The following TMEM100 variants were observed in gnomAD, a reference collection of about 807,000 sequenced individuals.
TMEM100 encodes the protein transmembrane protein 100.
For missense variants in TMEM100, 137 were observed against 168.2 expected (o/e 0.81, Z 1.02); for synonymous variants, 61 against 67.1 (o/e 0.91, Z 0.44).
chr17:55,729,044 T>C (rs1347762399), intron 1 of TMEM100, among the ~76,000 whole-genome samples: 2 of 152,258 alleles, frequency 1.3e-5, no homozygotes, highest in African/African-American at 4.8e-5. Flanking sequence ...GGTCGGATTA[T>C]CGCCTCGATG....
intron 1 of TMEM100, among the ~76,000 whole-genome samples, chr17:55,722,037 T>C (rs1908909574): frequency 6.6e-6 from 1 of 152,230 alleles, no homozygotes; most frequent in African/African-American, 2.4e-5. Flanking sequence ...AACCTTCATT[T>C]TCCTCCATGC....
chr17:55,728,987 C>A (rs1169685949), intron 1 of TMEM100, among the ~76,000 whole-genome samples: 1 of 152,170 alleles, frequency 6.6e-6, no homozygotes, highest in Non-Finnish European at 1.5e-5. Context: ...TTTTAAAGAG[C>A]ACAGGGCAGG....
upstream of TMEM100, among the ~76,000 whole-genome samples, chr17:55,727,241 C>T (rs1022877852): frequency 2.0e-5 from 3 of 152,192 alleles, no homozygotes; most frequent in Non-Finnish European, 4.4e-5. Flanking sequence ...TGATACAACC[C>T]CATACATTTT....
chr17:55,729,190 A>G (rs1008036790), intron 1 of TMEM100, among the ~76,000 whole-genome samples: 2 of 152,222 alleles, frequency 1.3e-5, no homozygotes, highest in Non-Finnish European at 2.9e-5. Context: ...GGAAGAGGGA[A>G]AGCAGGTTGA....
At chr17:55,723,012 G>C (rs373838006), upstream of TMEM100, 1 of 151,930 alleles carries the variant, frequency 6.6e-6, no homozygotes, top group East Asian at 1.9e-4. Flanking sequence ...TGATGAGTCC[G>C]AATCATTTCT....
chr17:55,723,779 C>T (rs749888526), upstream of TMEM100, among the ~76,000 whole-genome samples: 4 of 152,184 alleles, frequency 2.6e-5, no homozygotes, highest in Non-Finnish European at 5.9e-5. Flanking sequence ...GACCTCTGTT[C>T]CTTGGCCCAC....
intron 1 of TMEM100, among the ~76,000 whole-genome samples, chr17:55,728,525 G>A (rs753514907): frequency 3.9e-5 from 6 of 152,204 alleles, no homozygotes; most frequent in African/African-American, 9.6e-5. Flanking sequence ...AGATGCCATA[G>A]CAGTCAGGCC....
At chr17:55,726,828 T>A (rs1909087431), upstream of TMEM100, among the ~76,000 whole-genome samples, 1 of 152,238 alleles carries the variant, frequency 6.6e-6, no homozygotes, top group African/African-American at 2.4e-5. Flanking sequence ...TAGCAGGTCA[T>A]GTTATTATTC....
At chr17:55,726,346 G>A (rs749214035), upstream of TMEM100, among the ~76,000 whole-genome samples, 1 of 152,100 alleles carries the variant, frequency 6.6e-6, no homozygotes, top group African/African-American at 2.4e-5. Context: ...AGGGCAGGGA[G>A]CATGGTGTGT....
exon 1 of TMEM100, chr17:55,731,728 G>C (rs1012333811): frequency 2.6e-5 from 4 of 152,166 alleles, no homozygotes; most frequent in African/African-American, 4.8e-5. Context: ...CGTCTGGCTC[G>C]GGGACTGACT....
At chr17:55,726,486 C>T (rs568737472), upstream of TMEM100, among the ~76,000 whole-genome samples, 10 of 152,292 alleles carry the variant, frequency 6.6e-5, no homozygotes, top group African/African-American at 2.2e-4. Context: ...GCAATTTCTC[C>T]TCTGGGAACA....
At position 55,720,530 on chromosome 17, in the gene TMEM100, T is replaced by TC; in HGVS notation, c.*135dup. ...TCATTCCTCACAAAGGAGAAGCCCC[T>TC]CCACCCTCCCACCCCCATTCTTCCA... is the stretch of plus-strand genomic sequence containing the variant. On this transcript the variant is annotated 3_prime_UTR_variant, in exon 2 of 2. Transcript: ENST00000424486. The TC allele has an allele frequency of 9.0e-6, 6 of 663,582 alleles. No individual in the cohort carries two copies. The highest frequency in any genetic ancestry group is 5.7e-5 in the Admixed American group (2 of 34,884). The allele number at this position is 663,582 out of a possible 1,614,324, so 41.1% of individuals were successfully genotyped here.
rs998851113 is a variant in TMEM100 at position 55,720,050 on chromosome 17, T to C, written c.*616A>G. ...CAGCATCTATTAGCTATAACTTTAATGGGTTTTTCTTTACTTCTGATACAT... is the reference window on the plus strand; with the variant it reads ...CAGCATCTATTAGCTATAACTTTAACGGGTTTTTCTTTACTTCTGATACAT... On this transcript the variant is annotated 3_prime_UTR_variant, in exon 2 of 2. Coordinates refer to ENST00000424486, the MANE Select transcript of TMEM100 (RefSeq NM_018286.3). 4 of 152,672 alleles carry C rather than the reference T, an allele frequency of 2.6e-5. No homozygotes were observed. Among genetic ancestry groups the C allele is most frequent in the African/African-American group, 9.6e-5 (4 of 41,470 alleles). 9.5% of individuals were successfully genotyped at this position (152,672 alleles called of 1,614,324 possible). A position where few individuals can be genotyped will look rare whatever the true frequency, so the allele number is the denominator to read the frequency against.
intron 1 of TMEM100, chr17:55,721,808 C>T (rs949733913): frequency 6.6e-6 from 1 of 152,144 alleles, no homozygotes; most frequent in Non-Finnish European, 1.5e-5. Context: ...GTAACAATAT[C>T]TTCCAATCTG....
chr17:55,721,059 C>A lies in TMEM100; in HGVS notation c.12G>T (p.Glu4Asp). The A allele has an allele frequency of 1.9e-6, 3 of 1,609,638 alleles. No individual in the cohort carries two copies. Among genetic ancestry groups the A allele is most frequent in the South Asian group, 1.1e-5 (1 of 90,282 alleles). Reference protein sequence around the residue: MTEEPIKEILGAPK... With the variant: MTEDPIKEILGAPK... ...GGGCTCCCAGGATCTCCTTGATGGG[C>A]TCTTCAGTCATTTTTACAACAGTGC... Residue 4 changes from glutamate (E) to aspartate (D), a missense_variant, in exon 2 of 2, where the codon GAG becomes GAT. Coordinates refer to ENST00000424486, the MANE Select transcript of TMEM100 (RefSeq NM_018286.3).
chr17:55,721,378 G>C (rs750680505), intron 1 of TMEM100: 1 of 274,566 alleles, frequency 3.6e-6, no homozygotes, highest in African/African-American at 2.2e-5. Context: ...ATACCCTGGC[G>C]GTCTACAAAA....
rs558052854 is a variant in TMEM100 at position 55,722,092 on chromosome 17, G to A, written c.-66+527C>T. ...TGCAATGACCCTTTCTAAGTATTTCGTACCTGAACATTTCAGGACAAAGCT... is the reference window on the plus strand; with the variant it reads ...TGCAATGACCCTTTCTAAGTATTTCATACCTGAACATTTCAGGACAAAGCT... On this transcript the variant is annotated intron_variant, in intron 1 of 1. Coordinates refer to ENST00000424486, the MANE Select transcript of TMEM100 (RefSeq NM_018286.3). Among the ~76,000 whole-genome samples, 19 of 152,136 alleles carry A rather than the reference G, an allele frequency of 1.2e-4. No individual in the cohort carries two copies. The South Asian group carries it at 2.3e-3, about 18-fold the overall frequency.
upstream of TMEM100, among the ~76,000 whole-genome samples, chr17:55,726,185 G>A (rs1224286668): frequency 6.6e-6 from 1 of 152,152 alleles, no homozygotes; most frequent in East Asian, 1.9e-4. Context: ...CCTCCGAGGT[G>A]ACCTTCCACC....
chr17:55,728,138 A>G (rs1909118083), intron 1 of TMEM100, among the ~76,000 whole-genome samples: 1 of 152,356 alleles, frequency 6.6e-6, no homozygotes, highest in Admixed American at 6.5e-5. Context: ...ACAAGCATCT[A>G]ACATGTACTA....
Sources: gnomAD v4.1 joint callset for allele counts (sites outside exome capture counted in the v4.1 genomes callset) on GRCh38, gnomAD v4.1.1 for gene constraint, MANE v1.5 for transcripts, NCBI Gene and HGNC (gene_info 2026-07-23, HGNC 2026-07-21) for gene names.